AGMO: variants seen among roughly 807,000 people sequenced by gnomAD.
AGMO encodes the protein glyceryl-ether monooxygenase.
Under a neutral mutation model 60.2 loss-of-function variants are expected in AGMO, and 75 were observed. The ratio of observed to expected loss-of-function variants is 1.25; its 90% CI spans 1.03 to 1.51. The LOEUF is 1.51. Among genes scored for constraint, AGMO ranks in the 40% most tolerant of loss-of-function variants. The pLI is 0.00. For missense variants in AGMO, 763 were observed against 525.5 expected, an observed-to-expected ratio of 1.45 and a Z score of -4.42; for synonymous variants, 261 against 177.1, an observed-to-expected ratio of 1.47 and a Z score of -3.76.
chr7:15,158,261 C>A, the AGMO span, among the ~76,000 whole-genome samples: 1 of 152,122 alleles, frequency 6.6e-6, no homozygotes, highest in African/African-American at 2.4e-5. Flanking sequence ...CATCTAGCAA[C>A]CTCCCTTGGC....
At chr7:15,403,122 T>C (rs1468654613) in intron 5 of AGMO, among the ~76,000 whole-genome samples, 1 of 152,010 alleles carries the variant, frequency 6.6e-6, no homozygotes, top group African/African-American at 2.4e-5. Context: ...TATTTCGCAG[T>C]AGAGATATTT....
Position 15,244,515 on chromosome 7 carries a change from T to C in AGMO, c.1264-43156A>G, listed in dbSNP as rs188688520. On this transcript the variant is annotated intron_variant, in intron 12 of 12. Coordinates refer to ENST00000342526, the MANE Select transcript of AGMO (RefSeq NM_001004320.2). ...TAGAACAAAAGCTAATAAATGTCAATGCAAAGAACGCAAATCTTTATATTC... is the reference window on the plus strand; with the variant it reads ...TAGAACAAAAGCTAATAAATGTCAACGCAAAGAACGCAAATCTTTATATTC... Among the ~76,000 whole-genome samples, 12 of 152,284 alleles carry C rather than the reference T, an allele frequency of 7.9e-5. No individual in the cohort carries two copies. In the East Asian group the frequency reaches 9.6e-4, roughly 12 times the overall value.
At chr7:15,320,766 A>G (rs977751378) in intron 12 of AGMO, among the ~76,000 whole-genome samples, 1 of 152,208 alleles carries the variant, frequency 6.6e-6, no homozygotes, top group African/African-American at 2.4e-5. Flanking sequence ...AACAAACTTG[A>G]AAGTATCTAC....
At chr7:15,243,684 T>C (rs1310714163) in intron 12 of AGMO, among the ~76,000 whole-genome samples, 1 of 152,136 alleles carries the variant, frequency 6.6e-6, no homozygotes, top group Admixed American at 6.6e-5. Context: ...TTTAGTCAAA[T>C]AAGGAGATTT....
At chr7:15,464,661 G>A (rs900453993) in intron 3 of AGMO, among the ~76,000 whole-genome samples, 1 of 152,152 alleles carries the variant, frequency 6.6e-6, no homozygotes, top group Non-Finnish European at 1.5e-5. Context: ...GGTGAGGTTA[G>A]AGGTTATTTG....
chr7:15,392,077 ATTTTT>A lies in AGMO; in HGVS notation c.677-1177_677-1173del, dbSNP rs537581549. Among the ~76,000 whole-genome samples the A allele has an allele frequency of 2.0e-3, 293 of 149,848 alleles. 1 individual carries two copies. Among genetic ancestry groups the A allele is most frequent in the African/African-American group, 6.6e-3 (270 of 40,872 alleles). ...CCTATATTTTTTATTTTTTAATTTAATTTTTTTTTTGAGATGGAGTCTCACTCTGT... is the reference window on the plus strand; with the variant it reads ...CCTATATTTTTTATTTTTTAATTTAATTTTTGAGATGGAGTCTCACTCTGT... On this transcript the variant is annotated intron_variant, in intron 6 of 12. Coordinates refer to ENST00000342526, the MANE Select transcript of AGMO (RefSeq NM_001004320.2).
intron 12 of AGMO, among the ~76,000 whole-genome samples, chr7:15,347,509 A>G (rs1200013475): frequency 6.6e-6 from 1 of 151,992 alleles, no homozygotes; most frequent in East Asian, 1.9e-4. Flanking sequence ...TGTCTCCTCT[A>G]TATGTCTATC....
chr7:15,428,281 A>G (rs1781127346), intron 4 of AGMO, among the ~76,000 whole-genome samples: 1 of 152,118 alleles, frequency 6.6e-6, no homozygotes, highest in South Asian at 2.1e-4. Flanking sequence ...CAAGGGACCT[A>G]GAAATGCTAG....
At chr7:15,317,612 G>A (rs1217994080) in intron 12 of AGMO, among the ~76,000 whole-genome samples, 3 of 151,932 alleles carry the variant, frequency 2.0e-5, no homozygotes, top group East Asian at 1.9e-4. Flanking sequence ...TGACTGGAGT[G>A]AACATGAACG....
At position 15,354,344 on chromosome 7, in the gene AGMO, G is replaced by GCGTGTATATAGA. The variant is rs1563104895; in HGVS notation, c.1263+11158_1263+11169dup. ...TATATACGTACGCGTGTATATACACGCGTGTATATAGACGTGTGTATATAG... is the reference window on the plus strand; with the variant it reads ...TATATACGTACGCGTGTATATACACGCGTGTATATAGACGTGTATATAGACGTGTGTATATAG... On this transcript the variant is annotated intron_variant, in intron 12 of 12. Transcript: ENST00000342526. Among the ~76,000 whole-genome samples the GCGTGTATATAGA allele has an allele frequency of 2.5e-5, 2 of 80,682 alleles. 1 individual carries two copies. Among genetic ancestry groups the GCGTGTATATAGA allele is most frequent in the African/African-American group, 1.3e-4 (2 of 15,748 alleles). 52.9% of individuals were successfully genotyped at this position (80,682 alleles called of 152,430 possible). A position where few individuals can be genotyped will look rare whatever the true frequency, so the allele number is the denominator to read the frequency against.
intron 12 of AGMO, chr7:15,306,219 T>G (rs973074687): frequency 1.3e-5 from 3 of 239,932 alleles, no homozygotes; most frequent in African/African-American, 4.7e-5. Flanking sequence ...TGACATTGAC[T>G]TCATTAAATG....
chr7:15,354,302 A>ATGTGTATACACACG (rs1491480160), intron 12 of AGMO, among the ~76,000 whole-genome samples: 2 of 80,994 alleles, frequency 2.5e-5, no homozygotes, highest in Non-Finnish European at 4.5e-5. Flanking sequence ...AAATATATAT[A>ATGTGTATACACACG]CGTGTATACA....
At chr7:15,135,556 ATAC>A in the AGMO span, among the ~76,000 whole-genome samples, 3 of 152,228 alleles carry the variant, frequency 2.0e-5, no homozygotes, top group African/African-American at 7.2e-5. Context: ...AAATCACATA[ATAC>A]TGCTGTAAAA....
intron 3 of AGMO, among the ~76,000 whole-genome samples, chr7:15,493,362 C>CACACACACAT (rs71004386): frequency 0.02 from 2,051 of 102,234 alleles, 93 homozygotes; most frequent in East Asian, 0.053. Flanking sequence ...CACACACACA[C>CACACACACAT]TTCTTTTTTT....
intron 12 of AGMO, among the ~76,000 whole-genome samples, chr7:15,364,051 C>T (rs1392898386): frequency 1.3e-5 from 2 of 151,650 alleles, no homozygotes; most frequent in African/African-American, 4.8e-5. Context: ...AACTGTAATG[C>T]AGAATATATT....
intron 3 of AGMO, among the ~76,000 whole-genome samples, chr7:15,506,867 G>C (rs1160128747): frequency 6.6e-6 from 1 of 151,802 alleles, no homozygotes. Context: ...CTAATGCTGT[G>C]AGACTTAGAG....
At chr7:15,370,193 T>C (rs918775495) in intron 10 of AGMO, among the ~76,000 whole-genome samples, 1 of 152,184 alleles carries the variant, frequency 6.6e-6, no homozygotes, top group Non-Finnish European at 1.5e-5. Context: ...CCTGGAGTAA[T>C]GGCCTCCAGC....
chr7:15,389,306 G>GTCTC (rs1554265394), intron 8 of AGMO, among the ~76,000 whole-genome samples: 2 of 151,590 alleles, frequency 1.3e-5, no homozygotes, highest in African/African-American at 2.4e-5. Context: ...AGATGAAGGT[G>GTCTC]TCTCTTTTTT....
chr7:15,358,281 T>A (rs901376668), intron 12 of AGMO: 1 of 363,876 alleles, frequency 2.7e-6, no homozygotes, highest in Non-Finnish European at 5.6e-6. Flanking sequence ...GGTTGCTGCT[T>A]TGAGTATTGG....
Sources: allele counts gnomAD v4.1 joint callset (sites outside exome capture counted in the v4.1 genomes callset), GRCh38; gene constraint gnomAD v4.1.1; transcripts MANE v1.5; gene names NCBI Gene and HGNC (gene_info 2026-07-23, HGNC 2026-07-21).